Variants in BMPR2 observed in about 807,000 individuals in gnomAD.
BMPR2 encodes the protein bone morphogenetic protein receptor type 2, also known as bone morphogenetic protein receptor type-2.
A neutral mutation model predicts 100.8 loss-of-function variants in BMPR2; 29 were observed. The observed-to-expected ratio is 0.29, with a 90% CI of 0.21 to 0.39. BMPR2 has a LOEUF of 0.39. Among genes scored for constraint, BMPR2 ranks in the 10% least tolerant of loss-of-function variants. BMPR2 has a pLI of 1.00. For missense variants in BMPR2, 1,011 were observed against 1,274.5 expected (o/e 0.79, Z 3.15); for synonymous variants, 382 against 442.3 (o/e 0.86, Z 1.71).
intron 1 of BMPR2, among the ~76,000 whole-genome samples, chr2:202,460,450 A>G (rs1349680285): frequency 6.6e-6 from 1 of 152,208 alleles, no homozygotes; most frequent in Non-Finnish European, 1.5e-5. Flanking sequence ...AGAAAACTTT[A>G]AGAATATTTT....
At chr2:202,435,374 TAC>T (rs1202870642) in intron 1 of BMPR2, among the ~76,000 whole-genome samples, 1 of 69,768 alleles carries the variant, frequency 1.4e-5, no homozygotes, top group Non-Finnish European at 2.6e-5. Flanking sequence ...AAAAAAAAAA[TAC>T]ATATATATAT....
At chr2:202,392,203 T>C (rs1690564704) in intron 1 of BMPR2, among the ~76,000 whole-genome samples, 3 of 152,036 alleles carry the variant, frequency 2.0e-5, no homozygotes, top group Admixed American at 2.0e-4. Context: ...CCCAAGTAGC[T>C]GGGATTAAAG....
chr2:202,496,402 G>T (rs1693028240), intron 3 of BMPR2, among the ~76,000 whole-genome samples: 1 of 152,156 alleles, frequency 6.6e-6, no homozygotes, highest in South Asian at 2.1e-4. Flanking sequence ...GCTTGAGCCT[G>T]GGAGGCTGAG....
intron 1 of BMPR2, among the ~76,000 whole-genome samples, chr2:202,402,241 G>C (rs553484294): frequency 1.7e-3 from 252 of 152,238 alleles, no homozygotes; most frequent in South Asian, 9.1e-3. Context: ...CAATTTGGCC[G>C]GGTGTGGTGG....
chr2:202,501,507 C>T (rs1165356298), intron 3 of BMPR2, among the ~76,000 whole-genome samples: 4 of 152,220 alleles, frequency 2.6e-5, no homozygotes, highest in Non-Finnish European at 5.9e-5. Context: ...GCTGGGATAA[C>T]TCTCGGAGTC....
At chr2:202,417,321 G>A (rs755914124) in intron 1 of BMPR2, among the ~76,000 whole-genome samples, 5 of 151,930 alleles carry the variant, frequency 3.3e-5, no homozygotes, top group East Asian at 3.9e-4. Flanking sequence ...TTTTTGAGAC[G>A]GAGTTTCACT....
At chr2:202,436,886 C>T (rs1216852953) in intron 1 of BMPR2, among the ~76,000 whole-genome samples, 3 of 150,674 alleles carry the variant, frequency 2.0e-5, no homozygotes, top group Non-Finnish European at 1.5e-5. Flanking sequence ...CAAAATATTT[C>T]GCCTTGCAGT....
intron 1 of BMPR2, among the ~76,000 whole-genome samples, chr2:202,406,826 A>G (rs576706617): frequency 1.4e-4 from 22 of 152,334 alleles, no homozygotes; most frequent in African/African-American, 5.3e-4. Context: ...GAATGGCGTA[A>G]TAAACTTAAA....
chr2:202,531,927 T>C (rs1688037001), intron 8 of BMPR2, among the ~76,000 whole-genome samples: 1 of 121,820 alleles, frequency 8.2e-6, no homozygotes. Flanking sequence ...CACGCCCAGC[T>C]GTATTTTTTT....
intron 7 of BMPR2, chr2:202,520,646 CA>C (rs1687804159): frequency 4.7e-6 from 1 of 213,720 alleles, no homozygotes; most frequent in African/African-American, 2.3e-5. Flanking sequence ...TAGGCTGCCC[CA>C]CAAGACCAAG....
intron 1 of BMPR2, among the ~76,000 whole-genome samples, chr2:202,434,306 A>G (rs1278251181): frequency 6.6e-6 from 1 of 150,704 alleles, no homozygotes; most frequent in Non-Finnish European, 1.5e-5. Context: ...GGCTACCAAG[A>G]GGTGGAAGTG....
At chr2:202,517,300 G>C (rs1435588793) in intron 5 of BMPR2, among the ~76,000 whole-genome samples, 1 of 150,820 alleles carries the variant, frequency 6.6e-6, no homozygotes, top group Non-Finnish European at 1.5e-5. Context: ...AATCTGTTTG[G>C]GGCAGAAGCT....
intron 3 of BMPR2, among the ~76,000 whole-genome samples, 182 bp from the exon 4 acceptor site, chr2:202,513,537 A>T (rs926518626): frequency 6.6e-6 from 1 of 152,222 alleles, no homozygotes; most frequent in Non-Finnish European, 1.5e-5. Context: ...AGTCTGTATG[A>T]TTAAAAAATA....
At chr2:202,530,428 C>G (rs1409154039) in intron 7 of BMPR2, among the ~76,000 whole-genome samples, 1 of 151,730 alleles carries the variant, frequency 6.6e-6, no homozygotes, top group African/African-American at 2.4e-5. Flanking sequence ...TAGTTTTTCA[C>G]TGATACTTAT....
At chr2:202,518,774 T>G in intron 5 of BMPR2, 48 bp from the exon 6 acceptor site, 2 of 1,415,630 alleles carry the variant, frequency 1.4e-6, no homozygotes, top group Non-Finnish European at 2.0e-6. Context: ...GTAAATTTGA[T>G]TGTTCAATTG....
At chr2:202,507,713 T>C (rs1687549036) in intron 3 of BMPR2, among the ~76,000 whole-genome samples, 1 of 149,218 alleles carries the variant, frequency 6.7e-6, no homozygotes, top group Admixed American at 6.7e-5. Flanking sequence ...TTTTTTTTTT[T>C]CCTGAGATGG....
At chr2:202,474,143 CTG>C (rs1277229791) in intron 3 of BMPR2, among the ~76,000 whole-genome samples, 1 of 151,040 alleles carries the variant, frequency 6.6e-6, no homozygotes, top group Non-Finnish European at 1.5e-5. Flanking sequence ...TTACTAAAAA[CTG>C]TGCAAACTTA....
At chr2:202,391,739 C>T (rs1418530098) in intron 1 of BMPR2, among the ~76,000 whole-genome samples, 1 of 151,910 alleles carries the variant, frequency 6.6e-6, no homozygotes, top group Non-Finnish European at 1.5e-5. Context: ...ATGCATGCCA[C>T]CATGCCCGGC....
Position 202,560,348 on chromosome 2 carries a change from G to A in BMPR2, c.*402G>A, listed in dbSNP as rs767127880. 1.4e-5 allele frequency: 3 copies of A among 210,428 alleles called. No homozygotes were observed. The highest frequency in any genetic ancestry group is 1.1e-4 in the Admixed American group (2 of 18,864). The allele number at this position is 210,428 out of a possible 1,614,324, so 13.0% of individuals were successfully genotyped here. A position where few individuals can be genotyped will look rare whatever the true frequency, so the allele number is the denominator to read the frequency against. ...TTAAGACAGGTTTGACTGCAGTGGTGTCTGGTATCCATGTTTTATTTCTGG... is the reference window on the plus strand; with the variant it reads ...TTAAGACAGGTTTGACTGCAGTGGTATCTGGTATCCATGTTTTATTTCTGG... On this transcript the variant is annotated 3_prime_UTR_variant, in exon 13 of 13. Coordinates refer to ENST00000374580, the MANE Select transcript of BMPR2 (RefSeq NM_001204.7).
Sources: allele counts gnomAD v4.1 joint callset (sites outside exome capture counted in the v4.1 genomes callset), GRCh38; gene constraint gnomAD v4.1.1; transcripts MANE v1.5; gene names NCBI Gene and HGNC (gene_info 2026-07-23, HGNC 2026-07-21).